PSG5: variants seen among roughly 807,000 people sequenced by gnomAD.
PSG5 encodes the protein pregnancy-specific beta-1-glycoprotein 5.
In PSG5, 53 loss-of-function variants were observed where a neutral mutation model predicts 37.7. The ratio of observed to expected loss-of-function variants is 1.41; its 90% CI spans 1.13 to 1.77. The LOEUF (loss-of-function observed/expected upper bound fraction) is 1.77. PSG5 is among the 40% of genes most tolerant of loss of function. The pLI, the probability that PSG5 is intolerant of heterozygous loss-of-function variation, is 0.00. For synonymous variants in PSG5, 221 were observed against 155.4 expected (o/e 1.42, Z -3.14); for missense variants, 547 against 405.2 (o/e 1.35, Z -3.00).
chr19:43,185,213 T>G (rs1966907293), intron 1 of PSG5, 66 bp from the exon 2 acceptor site: 2 of 1,504,146 alleles, frequency 1.3e-6, no homozygotes, highest in African/African-American at 2.8e-5. Context: ...GATGGAGCCC[T>G]GGGTCCTGAG....
intron 2 of PSG5, among the ~76,000 whole-genome samples, chr19:43,176,511 C>T (rs1969015633): frequency 6.6e-6 from 1 of 151,564 alleles, no homozygotes; most frequent in African/African-American, 2.4e-5. Context: ...TGCTGGGCCC[C>T]TTCCAAATTC....
chr19:43,170,182 T>C, intron 4 of PSG5, 44 bp from the exon 5 acceptor site: 1 of 1,496,896 alleles, frequency 6.7e-7, no homozygotes, highest in Non-Finnish European at 9.2e-7. Context: ...GGTGATGTTA[T>C]TTTACATGGG....
intron 2 of PSG5, among the ~76,000 whole-genome samples, chr19:43,181,009 C>T (rs1599753049): frequency 6.6e-6 from 1 of 151,666 alleles, no homozygotes; most frequent in Non-Finnish European, 1.5e-5. Context: ...CTCTTAAGCT[C>T]ACGAAACACC....
intron 1 of PSG5, 118 bp downstream of exon 1, chr19:43,186,224 C>T: frequency 6.5e-7 from 1 of 1,533,316 alleles, no homozygotes; most frequent in Non-Finnish European, 8.9e-7. Flanking sequence ...AATCCACCCA[C>T]CTCATCCTCC....
At chr19:43,176,766 G>A (rs1452234670) in intron 2 of PSG5, among the ~76,000 whole-genome samples, 1 of 150,544 alleles carries the variant, frequency 6.6e-6, no homozygotes, top group Non-Finnish European at 1.5e-5. Flanking sequence ...GTTTCATGAT[G>A]ACTTACTTGA....
chr19:43,178,800 G>C, intron 2 of PSG5: 1 of 1,610,308 alleles, frequency 6.2e-7, no homozygotes, highest in Non-Finnish European at 8.5e-7. Context: ...TTGGACCTGA[G>C]AGGGACTGAG....
rs1427559332 is a variant in PSG5 at position 43,176,120 on chromosome 19, G to C, written c.459C>G (p.Ile153Met). ...YLKLPKPYIT[I>M]NNSKPRENKD... ...TATTCTCCCTGGGTTTTGAGTTGTT[G>C]ATGGTGATGTAGGGCTTGGGCAGCT... Residue 153 changes from isoleucine to methionine, a missense_variant, in exon 3 of 6, where the codon ATC (isoleucine) becomes ATG (methionine). Transcript: ENST00000342951. 14 of 1,611,234 alleles carry C rather than the reference G, an allele frequency of 8.7e-6. No individual in the cohort carries two copies. Among genetic ancestry groups the C allele is most frequent in the Admixed American group, 3.3e-5 (2 of 59,870 alleles).
At chr19:43,177,724 G>C (rs1568373094) in intron 2 of PSG5, among the ~76,000 whole-genome samples, 1 of 151,574 alleles carries the variant, frequency 6.6e-6, no homozygotes, top group East Asian at 1.9e-4. Context: ...TGTCAGGTCA[G>C]ATTTAAGACA....
rs775777896 is a variant in PSG5 at position 43,175,325 on chromosome 19, T to C, written c.854A>G (p.Lys285Arg). The change falls in exon 4 of 6, where the codon AAG (lysine) becomes AGG (arginine). Residue 285 changes from lysine (K) to arginine (R), a missense_variant. Coordinates refer to ENST00000342951, the MANE Select transcript of PSG5 (RefSeq NM_002781.4). ...TGTAGTAATTTGGGGGATAGAGAGC[T>C]TTTGTCCTGATTGCTGAAACTTCCC... ...INGKFQQSGQ[K>R]LSIPQITTKH... 41 of 1,612,722 alleles carry C rather than the reference T, an allele frequency of 2.5e-5. No individual in the cohort carries two copies. In the South Asian group the frequency reaches 4.3e-4, roughly 17 times the overall value.
chr19:43,175,953 C>A lies in PSG5; in HGVS notation c.626G>T (p.Arg209Ile). 1.2e-6 allele frequency: 2 copies of A among 1,612,324 alleles called. No homozygotes were observed. The highest frequency in any genetic ancestry group is 1.7e-6 in the Non-Finnish European group (2 of 1,179,182). ...ACATTCATAGGGTCCTGTTTCATTT[C>A]TCGTGACACTGGGTAGAATGAGGAT... ...NRILILPSVT[R>I]NETGPYECEI... is the part of the protein sequence containing the mutation. The change falls in exon 3 of 6, where the codon AGA becomes ATA. Residue 209 changes from arginine (R) to isoleucine (I), a missense_variant. Arg to Ile is a moderately conservative substitution (Grantham distance 97). Transcript: ENST00000342951.
Position 43,168,099 on chromosome 19 carries a change from T to C in PSG5, c.*145A>G. Reference sequence around the variant, plus strand: ...ATCTTGAAGTTATCAGGAACTTGTATTCAAGAGTCCTTGTCAGAGTCTTTT... The same window carrying C: ...ATCTTGAAGTTATCAGGAACTTGTACTCAAGAGTCCTTGTCAGAGTCTTTT... On this transcript the variant is annotated 3_prime_UTR_variant, in exon 6 of 6. Coordinates refer to ENST00000342951, the MANE Select transcript of PSG5 (RefSeq NM_002781.4). 2.2e-6 allele frequency: 1 copy of C among 446,566 alleles called. No homozygotes were observed. Among genetic ancestry groups the C allele is most frequent in the African/African-American group, 2.0e-5 (1 of 48,990 alleles). The allele number at this position is 446,566 out of a possible 1,614,324, so 27.7% of individuals were successfully genotyped here.
At chr19:43,170,178 G>A (rs1178762650) in intron 4 of PSG5, 40 bp from the exon 5 acceptor site, 3 of 1,512,926 alleles carry the variant, frequency 2.0e-6, no homozygotes, top group African/African-American at 2.8e-5. Flanking sequence ...TGAAGGTGAT[G>A]TTATTTTACA....
chr19:43,182,249 G>A (rs1244614853), intron 2 of PSG5, among the ~76,000 whole-genome samples: 2 of 151,730 alleles, frequency 1.3e-5, no homozygotes, highest in Admixed American at 1.3e-4. Flanking sequence ...GGAGGGAACT[G>A]AATTCTGCTA....
At chr19:43,186,073 T>G (rs1599758203) in intron 1 of PSG5, among the ~76,000 whole-genome samples, 1 of 150,818 alleles carries the variant, frequency 6.6e-6, no homozygotes, top group African/African-American at 2.5e-5. Flanking sequence ...GCCTCCCGGG[T>G]TCATGTGATT....
rs1347771970 is a variant in PSG5 at position 43,175,894 on chromosome 19, C to G, written c.685G>C (p.Asp229His). 1.2e-6 allele frequency: 2 copies of G among 1,612,472 alleles called. No individual in the cohort carries two copies. The highest frequency in any genetic ancestry group is 2.2e-5 in the South Asian group (2 of 91,044). The change falls in exon 3 of 6, where the codon GAC becomes CAC. Residue 229 changes from aspartate (D) to histidine (H), a missense_variant. Asp to His is a moderately conservative substitution (Grantham distance 81, BLOSUM62 -1). Coordinates refer to ENST00000342951, the MANE Select transcript of PSG5 (RefSeq NM_002781.4). The stretch of plus-strand genomic sequence containing the variant: ...CAGAGGACATTCAGGGTGACTGGGT[C>G]ACTGCGCATGCCACCATCTCGGTCC... ...IRDRDGGMRS[D>H]PVTLNVLYGP...
intron 2 of PSG5, among the ~76,000 whole-genome samples, chr19:43,181,442 G>A (rs1278876766): frequency 6.6e-6 from 1 of 151,492 alleles, no homozygotes. Flanking sequence ...AGCATCAAAA[G>A]CATTCTTCAT....
At chr19:43,174,950 C>G (rs1308347071) in intron 4 of PSG5, 5 of 1,328,360 alleles carry the variant, frequency 3.8e-6, no homozygotes, top group Non-Finnish European at 4.0e-6. Context: ...CTCTGTGAAG[C>G]CTCCTCTACC....
In PSG5 at chr19:43,175,958, G is replaced by T. The variant is rs1969000728; in HGVS notation, c.621C>A (p.Val207=). 6.2e-7 allele frequency: 1 copy of T among 1,612,110 alleles called. No homozygotes were observed. The highest frequency in any genetic ancestry group is 8.5e-7 in the Non-Finnish European group (1 of 1,179,200). ...CATAGGGTCCTGTTTCATTTCTCGT[G>T]ACACTGGGTAGAATGAGGATCCTGT... ...IENRILILPS[V]TRNETGPYEC... is the part of the protein sequence containing the mutation. Residue 207 remains valine (V), a synonymous_variant, in exon 3 of 6, where the codon GTC becomes GTA. Transcript: ENST00000342951.
chr19:43,172,896 G>A lies in PSG5; in HGVS notation c.964+2319C>T, dbSNP rs8104702. 4.0e-3 allele frequency among the ~76,000 whole-genome samples: 611 copies of A among 151,648 alleles called. 15 individuals carry two copies. Among genetic ancestry groups the A allele is most frequent in the African/African-American group, 0.014 (590 of 41,232 alleles). Reference sequence around the variant, plus strand: ...ACAAATCTGTCCTAAAATTTATATTGCATCTCATGACTCTAAATAGACACA... The same window carrying A: ...ACAAATCTGTCCTAAAATTTATATTACATCTCATGACTCTAAATAGACACA... On this transcript the variant is annotated intron_variant, in intron 4 of 5. Coordinates refer to ENST00000342951, the MANE Select transcript of PSG5 (RefSeq NM_002781.4).
Sources: gnomAD v4.1 joint callset for allele counts (sites outside exome capture counted in the v4.1 genomes callset) on GRCh38, gnomAD v4.1.1 for gene constraint, MANE v1.5 for transcripts, NCBI Gene and HGNC (gene_info 2026-07-23, HGNC 2026-07-21) for gene names.